The following PCSK4 variants were observed in gnomAD, a reference collection of about 807,000 sequenced individuals.
PCSK4 encodes the protein proprotein convertase subtilisin/kexin type 4.
Under a neutral mutation model 80.3 loss-of-function variants are expected in PCSK4, and 64 were observed. The ratio of observed to expected loss-of-function variants is 0.80; its 90% CI spans 0.65 to 0.98. The LOEUF is 0.98. Among genes scored for constraint, PCSK4 ranks in the 50% least tolerant of loss-of-function variants. PCSK4 has a pLI of 0.00. For missense variants in PCSK4, 1,213 were observed against 1,093.6 expected (o/e 1.11, Z -1.54); for synonymous variants, 561 against 487.6 (o/e 1.15, Z -1.98).
exon 1 of PCSK4, chr19:1,490,337 C>T: frequency 1.6e-6 from 2 of 1,285,714 alleles, no homozygotes; most frequent in Non-Finnish European, 1.1e-6. Flanking sequence ...GCAATCGGGG[C>T]GGGCCGCATG....
chr19:1,482,083 G>C (rs1206051897), exon 15 of PCSK4: 15 of 1,552,046 alleles, frequency 9.7e-6, no homozygotes, highest in Non-Finnish European at 1.3e-5. Context: ...AGCTGGAGCA[G>C]ACCCTCAGCG....
exon 4 of PCSK4, chr19:1,487,999 T>C (rs183537877): frequency 6.2e-7 from 1 of 1,613,288 alleles, no homozygotes; most frequent in Non-Finnish European, 8.5e-7. Flanking sequence ...TCCTTCTCGA[T>C]GCCATCGTCC....
chr19:1,482,957 A>T, exon 13 of PCSK4: 1 of 1,607,414 alleles, frequency 6.2e-7, no homozygotes, highest in Non-Finnish European at 8.5e-7. Context: ...GTGGGTTCTC[A>T]TCCCAGAAGT....
exon 15 of PCSK4, chr19:1,482,035 C>T (rs1039878021): frequency 1.1e-4 from 174 of 1,565,720 alleles, no homozygotes; most frequent in Non-Finnish European, 1.4e-4. Flanking sequence ...TGCAGTCCCT[C>T]GGGGAGCCGC....
chr19:1,483,671 A>G (rs1371794744), exon 11 of PCSK4: 1 of 1,594,884 alleles, frequency 6.3e-7, no homozygotes, highest in East Asian at 2.2e-5. Flanking sequence ...CTGGACCCGG[A>G]CGGCGCACTT....
intron 2 of PCSK4, among the ~76,000 whole-genome samples, chr19:1,488,558 A>G (rs1351315790): frequency 6.6e-6 from 1 of 150,808 alleles, no homozygotes; most frequent in Non-Finnish European, 1.5e-5. Flanking sequence ...AGATCCTTCT[A>G]TCTCTCTCCT....
Position 1,485,760 on chromosome 19 carries a change from A to G in PCSK4, c.1068+1093T>C, listed in dbSNP as rs569259993. 1.8e-3 allele frequency among the ~76,000 whole-genome samples: 274 copies of G among 149,850 alleles called. 1 individual carries two copies. Among genetic ancestry groups the G allele is most frequent in the African/African-American group, 6.4e-3 (262 of 40,720 alleles). On this transcript the variant is annotated intron_variant, in intron 8 of 14. Transcript: ENST00000300954. The stretch of plus-strand genomic sequence containing the variant: ...GTGGCGGGCACCTGTAGTCCCAGCT[A>G]CTCAGGAGGCTGAGGAAGGAGAATG...
intron 2 of PCSK4, 80 bp downstream of exon 2, chr19:1,489,713 G>A (rs1226787718): frequency 1.3e-6 from 2 of 1,535,260 alleles, no homozygotes; most frequent in Non-Finnish European, 8.8e-7. Flanking sequence ...TAACAACCAC[G>A]AGAACCACAG....
Position 1,488,414 on chromosome 19 carries a change from G to A in PCSK4, c.295-134C>T, listed in dbSNP as rs968329975. 12 of 665,748 alleles carry A rather than the reference G, an allele frequency of 1.8e-5. No individual in the cohort carries two copies. In the African/African-American group the frequency reaches 2.2e-4, roughly 12 times the overall value. The allele number at this position is 665,748 out of a possible 1,614,324, so 41.2% of individuals were successfully genotyped here. ...TGCTCTCCAGGGTCCCCATGTGCCTGGGGCTCTGTCTGCAGTCGGAAGGGG... is the reference window on the plus strand; with the variant it reads ...TGCTCTCCAGGGTCCCCATGTGCCTAGGGCTCTGTCTGCAGTCGGAAGGGG... On this transcript the variant is annotated intron_variant, in intron 2 of 14. Transcript: ENST00000300954.
At chr19:1,481,626 G>A (rs554715722) in exon 15 of PCSK4, 45 of 559,812 alleles carry the variant, frequency 8.0e-5, no homozygotes, top group Admixed American at 3.6e-4. Context: ...GGGGTTCCAC[G>A]GGGCCCATCC....
In PCSK4 at chr19:1,490,327, G is replaced by T. The variant is rs2084882122; in HGVS notation, c.20C>A (p.Ala7Glu). 6.5e-6 allele frequency: 9 copies of T among 1,377,568 alleles called. No individual in the cohort carries two copies. The East Asian group carries it at 2.1e-4, about 32-fold the overall frequency. The allele number at this position is 1,377,568 out of a possible 1,614,324, so 85.3% of individuals were successfully genotyped here. The change falls in exon 1 of 15, where the codon GCG becomes GAG. Residue 7 changes from alanine (A) to glutamate (E), a missense_variant. Coordinates refer to ENST00000300954, the Ensembl canonical transcript of PCSK4. The stretch of plus-strand genomic sequence containing the variant: ...GGCCAAGACCAGGCGCAGCCACAGC[G>T]CAATCGGGGCGGGCCGCATGGAGGC...
Position 1,483,359 on chromosome 19 carries a change from G to A in PCSK4, c.1496C>T (p.Ser499Phe), listed in dbSNP as rs901442737. Residue 499 changes from serine (S) to phenylalanine (F), a missense_variant, in exon 12 of 15, where the codon TCC (serine) becomes TTC (phenylalanine). Physicochemically the swap from Ser to Phe is radical, Grantham distance 155. Transcript: ENST00000300954. ...CTCCAGGTCTCCGCGCCGGCTGTAG[G>A]ACAGCGTCAGCTGCGCCTGCACGTG... 3.1e-6 allele frequency: 5 copies of A among 1,609,296 alleles called. No individual in the cohort carries two copies. In the African/African-American group the frequency reaches 4.0e-5, roughly 13 times the overall value.
exon 8 of PCSK4, chr19:1,486,920 T>G: frequency 6.2e-7 from 1 of 1,604,294 alleles, no homozygotes; most frequent in Non-Finnish European, 8.5e-7. Context: ...GGCTTCGCTG[T>G]ACCAGGGCAC....
At position 1,484,141 on chromosome 19, in the gene PCSK4, G is replaced by A. The variant is rs375670143; in HGVS notation, c.1069-14C>T. On this transcript the variant is annotated splice_polypyrimidine_tract_variant and intron_variant, in intron 8 of 14. Coordinates refer to ENST00000300954, the Ensembl canonical transcript of PCSK4. ...GTCCGTGGTGACCTGAGGGCAGAGGGGGGTGGGACTCGGGGGGCCGTGCAC... is the reference window on the plus strand; with the variant it reads ...GTCCGTGGTGACCTGAGGGCAGAGGAGGGTGGGACTCGGGGGGCCGTGCAC... The A allele has an allele frequency of 2.0e-6, 3 of 1,484,612 alleles. No individual in the cohort carries two copies. The highest frequency in any genetic ancestry group is 1.9e-5 in the Admixed American group (1 of 51,408). The allele number at this position is 1,484,612 out of a possible 1,614,324, so 92.0% of individuals were successfully genotyped here. A position where few individuals can be genotyped will look rare whatever the true frequency, so the allele number is the denominator to read the frequency against.
At chr19:1,486,525 C>T (rs141234529) in intron 8 of PCSK4, among the ~76,000 whole-genome samples, 5,080 of 148,968 alleles carry the variant, frequency 0.034, 92 homozygotes, top group East Asian at 0.058. Flanking sequence ...CTCGATCTCC[C>T]GACCTCGTGA....
exon 1 of PCSK4, chr19:1,490,264 G>C (rs927504074): frequency 1.9e-6 from 3 of 1,606,620 alleles, no homozygotes; most frequent in Non-Finnish European, 2.5e-6. Context: ...GGCTCGGACC[G>C]GGGCCCACCC....
At chr19:1,483,234 G>A in intron 12 of PCSK4, 50 bp downstream of exon 12, 2 of 1,470,508 alleles carry the variant, frequency 1.4e-6, no homozygotes, top group South Asian at 1.3e-5. Context: ...AGATGGCAGC[G>A]TTTACCGACA....
At chr19:1,487,603 C>T (rs2084700380) in exon 6 of PCSK4, 3 of 1,550,130 alleles carry the variant, frequency 1.9e-6, no homozygotes, top group African/African-American at 2.7e-5. Context: ...CCCCGGGTAC[C>T]TCCGATTCGG....
rs1019534598 is a variant in PCSK4, at chr19:1,482,376, C to T, written c.1796G>A (p.Arg599Gln). 7.8e-6 allele frequency: 12 copies of T among 1,546,828 alleles called. No homozygotes were observed. The highest frequency in any genetic ancestry group is 7.3e-5 in the East Asian group (3 of 41,194). ...ACCCTGGCACAGCCCCTCTGTGTCCCGCTGCACACACGCGCTGCTGGTCAC... is the reference window on the plus strand; with the variant it reads ...ACCCTGGCACAGCCCCTCTGTGTCCTGCTGCACACACGCGCTGCTGGTCAC... The change falls in exon 14 of 15, where the codon CGG becomes CAG. Residue 599 changes from arginine (R) to glutamine (Q), a missense_variant. Arg to Gln is a conservative substitution (Grantham distance 43). Coordinates refer to ENST00000300954, the Ensembl canonical transcript of PCSK4.
Sources: allele counts gnomAD v4.1 joint callset (sites outside exome capture counted in the v4.1 genomes callset), GRCh38; gene constraint gnomAD v4.1.1; transcripts MANE v1.5; gene names NCBI Gene and HGNC (gene_info 2026-07-23, HGNC 2026-07-21).